Variants in RASEF observed in about 807,000 individuals in gnomAD.
RASEF encodes the protein RAS and EF-hand domain containing.
In RASEF, 68 loss-of-function variants were observed where a neutral mutation model predicts 90.1. The observed-to-expected ratio is 0.75, with a 90% CI of 0.62 to 0.92. The LOEUF is 0.92. Ranked by LOEUF, RASEF falls within the 40% of genes least tolerant of loss-of-function variation. The pLI, the probability that RASEF is intolerant of heterozygous loss-of-function variation, is 0.00. For missense variants in RASEF, 949 were observed against 937.2 expected (o/e 1.01, Z -0.16); for synonymous variants, 331 against 345.2 (o/e 0.96, Z 0.46).
chr9:83,212,564 T>C, the RASEF span, among the ~76,000 whole-genome samples: 5 of 152,264 alleles, frequency 3.3e-5, no homozygotes, highest in African/African-American at 1.2e-4. Flanking sequence ...TAATAAGCCT[T>C]TATTTCATTC....
chr9:83,212,043 T>G, the RASEF span, among the ~76,000 whole-genome samples: 3 of 152,172 alleles, frequency 2.0e-5, no homozygotes, highest in African/African-American at 7.2e-5. Context: ...GGTGTATGTG[T>G]GTGTGTGTGT....
chr9:83,171,841 T>C, the RASEF span, among the ~76,000 whole-genome samples: 1 of 151,820 alleles, frequency 6.6e-6, no homozygotes, highest in African/African-American at 2.4e-5. Context: ...GGTTTATCAA[T>C]TTTGTATGTT....
At chr9:83,169,131 C>T in the RASEF span, among the ~76,000 whole-genome samples, 2 of 151,872 alleles carry the variant, frequency 1.3e-5, no homozygotes, top group African/African-American at 4.8e-5. Flanking sequence ...ATTTGTCTTT[C>T]ACTTAACATA....
chr9:83,179,977 T>C, the RASEF span, among the ~76,000 whole-genome samples: 7 of 152,170 alleles, frequency 4.6e-5, no homozygotes, highest in East Asian at 5.8e-4. Context: ...ACTACTTGAA[T>C]GTATCAGAAA....
the RASEF span, among the ~76,000 whole-genome samples, chr9:83,139,148 G>A: frequency 6.6e-6 from 1 of 152,136 alleles, no homozygotes; most frequent in Non-Finnish European, 1.5e-5. Context: ...ATAAGAGTAG[G>A]GAGCTTGTTA....
chr9:83,094,957 T>C, the RASEF span, among the ~76,000 whole-genome samples: 1 of 152,192 alleles, frequency 6.6e-6, no homozygotes, highest in Non-Finnish European at 1.5e-5. Flanking sequence ...CGTGGGAATC[T>C]CCCTCAGACT....
At chr9:83,089,808 A>T in the RASEF span, among the ~76,000 whole-genome samples, 2 of 152,160 alleles carry the variant, frequency 1.3e-5, no homozygotes, top group Middle Eastern at 6.8e-3. Flanking sequence ...TTAGTTTTTC[A>T]TCAAATTTGG....
chr9:83,054,959 AG>A (rs1830075882), intron 1 of RASEF: 2 of 146,600 alleles, frequency 1.4e-5, no homozygotes, highest in African/African-American at 5.2e-5. Context: ...GCTGTCAGAC[AG>A]GGACACTTAA....
the RASEF span, among the ~76,000 whole-genome samples, chr9:83,127,305 T>G: frequency 6.6e-6 from 1 of 152,302 alleles, no homozygotes; most frequent in African/African-American, 2.4e-5. Context: ...TTGCCTATAG[T>G]CATAGTAGAA....
At chr9:83,092,667 G>T in the RASEF span, among the ~76,000 whole-genome samples, 12 of 152,172 alleles carry the variant, frequency 7.9e-5, no homozygotes, top group East Asian at 2.3e-3. Context: ...CCACTGTGTG[G>T]AAGGGGACCC....
intron 9 of RASEF, 107 bp from the exon 10 acceptor site, chr9:83,001,237 C>G (rs1206415651): frequency 5.8e-5 from 42 of 723,784 alleles, no homozygotes; most frequent in Non-Finnish European, 8.9e-5. Context: ...CCGACTGTGG[C>G]TAAGAGCCGC....
the RASEF span, among the ~76,000 whole-genome samples, chr9:83,188,491 T>C: frequency 6.6e-6 from 1 of 152,232 alleles, no homozygotes; most frequent in Non-Finnish European, 1.5e-5. Flanking sequence ...AGGGAAAATA[T>C]GCAAATCCAT....
At chr9:83,022,804 C>T (rs1217332266) in intron 2 of RASEF, among the ~76,000 whole-genome samples, 1 of 152,124 alleles carries the variant, frequency 6.6e-6, no homozygotes, top group East Asian at 1.9e-4. Context: ...ACCTGAACAG[C>T]ATGGGACTGT....
chr9:83,043,294 T>C (rs1426652199), intron 1 of RASEF, among the ~76,000 whole-genome samples: 1 of 152,028 alleles, frequency 6.6e-6, no homozygotes, highest in Non-Finnish European at 1.5e-5. Flanking sequence ...ACAAACATCA[T>C]GGTGACTGAA....
the RASEF span, among the ~76,000 whole-genome samples, chr9:83,192,703 T>C: frequency 1.7e-5 from 2 of 117,680 alleles, no homozygotes; most frequent in African/African-American, 6.7e-5. Flanking sequence ...CCCCTGAACC[T>C]AAAATAATAG....
the RASEF span, among the ~76,000 whole-genome samples, chr9:83,177,164 T>C: frequency 6.6e-6 from 1 of 152,178 alleles, no homozygotes; most frequent in Non-Finnish European, 1.5e-5. Flanking sequence ...TAAATGTGCA[T>C]TCCCATTGTC....
chr9:83,131,394 A>G, the RASEF span, among the ~76,000 whole-genome samples: 1 of 152,342 alleles, frequency 6.6e-6, no homozygotes, highest in East Asian at 1.9e-4. Flanking sequence ...GGCAGACTTG[A>G]GGACAGTGTC....
chr9:83,131,795 C>T, the RASEF span, among the ~76,000 whole-genome samples: 4 of 152,082 alleles, frequency 2.6e-5, no homozygotes, highest in African/African-American at 9.7e-5. Context: ...AATAATGGTA[C>T]CTTTTAATAT....
At chr9:83,059,169 T>A (rs1587530024) in intron 1 of RASEF, among the ~76,000 whole-genome samples, 1 of 152,114 alleles carries the variant, frequency 6.6e-6, no homozygotes, top group East Asian at 1.9e-4. Flanking sequence ...TCAAAATTGC[T>A]GCAAATGGGA....
Sources: allele counts gnomAD v4.1 joint callset (sites outside exome capture counted in the v4.1 genomes callset), GRCh38; gene constraint gnomAD v4.1.1; transcripts MANE v1.5; gene names NCBI Gene and HGNC (gene_info 2026-07-23, HGNC 2026-07-21).